Variants in TENM3 observed in about 807,000 individuals in gnomAD.
The protein encoded by TENM3 is teneurin-3.
In TENM3, 63 loss-of-function variants were observed where a neutral mutation model predicts 255.1. The observed-to-expected ratio is 0.25, with a 90% CI of 0.20 to 0.30. TENM3 has a LOEUF of 0.30. Among genes scored for constraint, TENM3 ranks in the 10% least tolerant of loss-of-function variants. The pLI is 1.00. For missense variants in TENM3, 2,929 were observed against 3,461.1 expected, an observed-to-expected ratio of 0.85 and a Z score of 3.86; for synonymous variants, 1,306 against 1,322.3, an observed-to-expected ratio of 0.99 and a Z score of 0.27.
At chr4:181,489,984 A>G in the TENM3 span, among the ~76,000 whole-genome samples, 1 of 152,122 alleles carries the variant, frequency 6.6e-6, no homozygotes, top group Admixed American at 6.5e-5. Context: ...TTAAGATTAT[A>G]TTTTATCTTC....
chr4:182,677,402 T>C (rs1304417328), intron 7 of TENM3, among the ~76,000 whole-genome samples: 1 of 152,230 alleles, frequency 6.6e-6, no homozygotes, highest in East Asian at 1.9e-4. Context: ...TCCCGTTCAC[T>C]TTTTCAGTTA....
intron 2 of TENM3, among the ~76,000 whole-genome samples, chr4:182,338,703 C>T (rs982073420): frequency 6.6e-6 from 1 of 152,066 alleles, no homozygotes; most frequent in African/African-American, 2.4e-5. Context: ...AATAATGTCT[C>T]TGCACCATTT....
At chr4:182,078,423 G>A in the TENM3 span, among the ~76,000 whole-genome samples, 2 of 152,296 alleles carry the variant, frequency 1.3e-5, no homozygotes, top group East Asian at 3.9e-4. Context: ...TTGGGAGGCT[G>A]AGGCAGGGGA....
chr4:182,318,460 C>G (rs559308122), intron 1 of TENM3, among the ~76,000 whole-genome samples: 1 of 152,032 alleles, frequency 6.6e-6, no homozygotes, highest in Non-Finnish European at 1.5e-5. Flanking sequence ...CATTACATTA[C>G]GAAACTTCTC....
chr4:181,639,655 G>A, the TENM3 span, among the ~76,000 whole-genome samples: 3 of 152,278 alleles, frequency 2.0e-5, no homozygotes, highest in Admixed American at 6.5e-5. Context: ...CCGGAGAATC[G>A]CTTGAACCCA....
the TENM3 span, among the ~76,000 whole-genome samples, chr4:181,805,218 A>G: frequency 2.6e-5 from 4 of 152,150 alleles, no homozygotes; most frequent in South Asian, 6.2e-4. Context: ...CATTCCTATT[A>G]GGATGAAAAC....
At chr4:181,546,432 G>T in the TENM3 span, among the ~76,000 whole-genome samples, 1 of 152,148 alleles carries the variant, frequency 6.6e-6, no homozygotes, top group Non-Finnish European at 1.5e-5. Flanking sequence ...AATGGCACCT[G>T]AGGCTGAGCG....
the TENM3 span, among the ~76,000 whole-genome samples, chr4:181,908,799 C>A: frequency 1.4e-3 from 216 of 152,256 alleles, no homozygotes; most frequent in Non-Finnish European, 2.7e-3. Flanking sequence ...ATCAGGTTAT[C>A]ATAGTTATGT....
chr4:182,077,203 C>T, the TENM3 span, among the ~76,000 whole-genome samples: 1 of 152,116 alleles, frequency 6.6e-6, no homozygotes, highest in Admixed American at 6.5e-5. Context: ...GTTCTAAAAT[C>T]CTATGGGTCA....
At chr4:182,476,020 T>C (rs1004455571) in intron 3 of TENM3, among the ~76,000 whole-genome samples, 1 of 152,192 alleles carries the variant, frequency 6.6e-6, no homozygotes, top group East Asian at 1.9e-4. Context: ...TTACTTAGAA[T>C]AGATTTTGTA....
chr4:182,379,607 G>A (rs897628437), intron 3 of TENM3, among the ~76,000 whole-genome samples: 2 of 152,192 alleles, frequency 1.3e-5, no homozygotes, highest in African/African-American at 4.8e-5. Context: ...GACTTGAACA[G>A]AGATACACTT....
the TENM3 span, among the ~76,000 whole-genome samples, chr4:181,899,048 T>C: frequency 1.3e-5 from 2 of 152,168 alleles, no homozygotes; most frequent in African/African-American, 2.4e-5. Context: ...TAGAGATTTT[T>C]GTTTTCTACA....
At chr4:181,478,205 C>A in the TENM3 span, among the ~76,000 whole-genome samples, 1 of 152,184 alleles carries the variant, frequency 6.6e-6, no homozygotes, top group Non-Finnish European at 1.5e-5. Flanking sequence ...CATGAAAAAT[C>A]AGTCCATAAA....
intron 3 of TENM3, among the ~76,000 whole-genome samples, chr4:182,584,273 G>A (rs1745789901): frequency 6.6e-6 from 1 of 152,136 alleles, no homozygotes; most frequent in South Asian, 2.1e-4. Flanking sequence ...CTTGCTGATG[G>A]GAACTATGAC....
At chr4:182,716,421 A>G (rs1456137573) in intron 13 of TENM3, among the ~76,000 whole-genome samples, 2 of 152,150 alleles carry the variant, frequency 1.3e-5, no homozygotes, top group East Asian at 1.9e-4. Flanking sequence ...AAACTATGCT[A>G]TCTCTAGGCT....
intron 19 of TENM3, among the ~76,000 whole-genome samples, chr4:182,744,886 C>G (rs1761891940): frequency 6.6e-6 from 1 of 151,648 alleles, no homozygotes; most frequent in Admixed American, 6.6e-5. Flanking sequence ...CACGTAGCTG[C>G]AGAAGATACA....
At chr4:182,695,656 A>G (rs1418953941) in intron 12 of TENM3, among the ~76,000 whole-genome samples, 1 of 152,218 alleles carries the variant, frequency 6.6e-6, no homozygotes, top group African/African-American at 2.4e-5. Flanking sequence ...AGATGAAGAT[A>G]CGACTTTGTC....
At chr4:181,950,370 T>A in the TENM3 span, among the ~76,000 whole-genome samples, 6 of 152,226 alleles carry the variant, frequency 3.9e-5, no homozygotes, top group Non-Finnish European at 8.8e-5. Context: ...ACAGCCATGT[T>A]GCTCACACAA....
chr4:181,796,682 A>T, the TENM3 span, among the ~76,000 whole-genome samples: 11 of 152,288 alleles, frequency 7.2e-5, no homozygotes, highest in South Asian at 2.1e-3. Context: ...GAGAGAGATG[A>T]TCACCTCTGA....
Sources: gnomAD v4.1 joint callset for allele counts (sites outside exome capture counted in the v4.1 genomes callset) on GRCh38, gnomAD v4.1.1 for gene constraint, MANE v1.5 for transcripts, NCBI Gene and HGNC (gene_info 2026-07-23, HGNC 2026-07-21) for gene names.